REV1: variants seen among roughly 807,000 people sequenced by gnomAD.
The protein encoded by REV1 is REV1 DNA directed polymerase, also known as translesion synthesis protein REV1.
A neutral mutation model predicts 137.4 loss-of-function variants in REV1; 42 were observed. The observed-to-expected ratio is 0.31, with a 90% CI of 0.24 to 0.40. REV1 has a LOEUF of 0.40. Among genes scored for constraint, REV1 ranks in the 10% least tolerant of loss-of-function variants. The pLI is 1.00. For missense variants in REV1, 1,282 were observed against 1,490.1 expected (o/e 0.86, Z 2.30); for synonymous variants, 524 against 519.2 (o/e 1.01, Z -0.12).
chr2:99,445,017 T>C (rs1221123599), intron 4 of REV1, among the ~76,000 whole-genome samples: 1 of 152,142 alleles, frequency 6.6e-6, no homozygotes, highest in African/African-American at 2.4e-5. Context: ...GATATATACA[T>C]GAAAGAGTTT....
chr2:99,445,347 T>C (rs1385684850), intron 4 of REV1, among the ~76,000 whole-genome samples: 1 of 152,190 alleles, frequency 6.6e-6, no homozygotes, highest in Non-Finnish European at 1.5e-5. Flanking sequence ...GTAGATCCCA[T>C]TGAGCTGGCA....
At position 99,442,307 on chromosome 2, in the gene REV1, A is replaced by G. The variant is rs776780659; in HGVS notation, c.503+10T>C. ...CAGCTTTGCAGTAATCCCCAACTAGACAAACTTACACCCTGTTGTTGAGCT... is the reference window on the plus strand; with the variant it reads ...CAGCTTTGCAGTAATCCCCAACTAGGCAAACTTACACCCTGTTGTTGAGCT... On this transcript the variant is annotated intron_variant, in intron 5 of 22. Transcript: ENST00000258428. The G allele has an allele frequency of 6.3e-7, 1 of 1,596,054 alleles. No individual in the cohort carries two copies. The highest frequency in any genetic ancestry group is 8.5e-7 in the Non-Finnish European group (1 of 1,174,252).
chr2:99,479,635 T>A (rs1166805836), intron 1 of REV1, among the ~76,000 whole-genome samples: 3 of 151,176 alleles, frequency 2.0e-5, no homozygotes, highest in Non-Finnish European at 4.4e-5. Flanking sequence ...ACAAAAAAAA[T>A]AAAAATAATA....
intron 1 of REV1, among the ~76,000 whole-genome samples, chr2:99,486,223 G>C (rs372997350): frequency 8.5e-5 from 13 of 152,320 alleles, no homozygotes; most frequent in African/African-American, 3.1e-4. Flanking sequence ...ATAGTTCCTA[G>C]AAGGTTTAAA....
At chr2:99,402,018 C>G (rs1191535498) in intron 22 of REV1, among the ~76,000 whole-genome samples, 2 of 152,236 alleles carry the variant, frequency 1.3e-5, no homozygotes, top group Non-Finnish European at 2.9e-5. Context: ...GCGTGAGCCA[C>G]TGTGCCCAGC....
At chr2:99,416,938 TA>T (rs1307496692) in intron 12 of REV1, among the ~76,000 whole-genome samples, 2 of 122,870 alleles carry the variant, frequency 1.6e-5, no homozygotes, top group South Asian at 5.1e-4. Flanking sequence ...AAAAAAGAAA[TA>T]AAGTCTTTCC....
At chr2:99,464,204 C>T (rs1298633791) in intron 2 of REV1, among the ~76,000 whole-genome samples, 2 of 152,056 alleles carry the variant, frequency 1.3e-5, no homozygotes, top group Non-Finnish European at 2.9e-5. Context: ...CTATACTTTT[C>T]CTGAACTTTG....
chr2:99,411,103 C>T (rs577433685), intron 13 of REV1, among the ~76,000 whole-genome samples: 4 of 152,182 alleles, frequency 2.6e-5, no homozygotes, highest in South Asian at 2.1e-4. Context: ...GCCTGGCCAA[C>T]GTGGTGAAAC....
At chr2:99,475,732 C>T (rs1012225883) in intron 1 of REV1, among the ~76,000 whole-genome samples, 2 of 152,142 alleles carry the variant, frequency 1.3e-5, no homozygotes, top group African/African-American at 4.8e-5. Context: ...CGCCTGTACT[C>T]CCAGCACTTT....
chr2:99,428,991 C>CAAAAAA (rs762850171), intron 9 of REV1, among the ~76,000 whole-genome samples: 1 of 63,844 alleles, frequency 1.6e-5, no homozygotes, highest in Non-Finnish European at 3.1e-5. Context: ...GACTCCGTCT[C>CAAAAAA]AAAAAAAAAA....
At position 99,402,948 on chromosome 2, in the gene REV1, G is replaced by A. The variant is rs1467402408; in HGVS notation, c.3325C>T (p.Pro1109Ser). 4.3e-6 allele frequency: 7 copies of A among 1,614,080 alleles called. No homozygotes were observed. Among genetic ancestry groups the A allele is most frequent in the Non-Finnish European group, 2.5e-6 (3 of 1,180,040 alleles). The change falls in exon 20 of 23, where the codon CCC (proline) becomes TCC (serine). Residue 1109 changes from proline to serine, a missense_variant. Pro to Ser is a moderately conservative substitution (Grantham distance 74, BLOSUM62 -1). This residue lies in a region of REV1 where 170 missense variants were observed against 156.8 expected (regional missense o/e 1.08). Coordinates refer to ENST00000258428, the MANE Select transcript of REV1 (RefSeq NM_016316.4). ...AGAAACCCATCAATTAACTTCTGGG[G>A]ACTGCCACAGGCCCCTGGCAGAGTT... is the stretch of plus-strand genomic sequence containing the variant. ...AKTLPGACGSPQKLIDGFLKH... is the reference protein window; with the variant it reads ...AKTLPGACGSSQKLIDGFLKH...
chr2:99,484,520 A>G (rs1412782442), intron 1 of REV1, among the ~76,000 whole-genome samples: 1 of 152,238 alleles, frequency 6.6e-6, no homozygotes, highest in Non-Finnish European at 1.5e-5. Context: ...TATTATATGC[A>G]AAACCTTTTC....
chr2:99,435,808 C>T (rs1428755855), intron 7 of REV1, 26 bp downstream of exon 7: 1 of 1,191,790 alleles, frequency 8.4e-7, no homozygotes, highest in East Asian at 2.4e-5. Flanking sequence ...TATCAGTTTT[C>T]TTAAAACATA....
At chr2:99,414,346 T>A (rs1677569255) in intron 12 of REV1, among the ~76,000 whole-genome samples, 1 of 152,142 alleles carries the variant, frequency 6.6e-6, no homozygotes, top group Non-Finnish European at 1.5e-5. Context: ...CTTTATTCCT[T>A]AATGGAAGTG....
chr2:99,434,486 C>G (rs1215351156), intron 7 of REV1, 38 bp from the exon 8 acceptor site: 3 of 1,430,226 alleles, frequency 2.1e-6, no homozygotes, highest in Middle Eastern at 1.8e-4. Context: ...GTATGTGGTA[C>G]AGGAATGTTA....
chr2:99,418,435 T>C (rs1305262380), intron 12 of REV1, among the ~76,000 whole-genome samples: 1 of 152,220 alleles, frequency 6.6e-6, no homozygotes, highest in Admixed American at 6.5e-5. Context: ...AAACTGTCGC[T>C]AGTCCTGCAG....
At chr2:99,419,527 G>C (rs553384778) in intron 11 of REV1, among the ~76,000 whole-genome samples, 10 of 152,144 alleles carry the variant, frequency 6.6e-5, no homozygotes, top group Non-Finnish European at 1.2e-4. Context: ...CTGATCTTCA[G>C]AGTGGGTGTC....
chr2:99,475,577 A>G (rs1181020482), intron 1 of REV1, among the ~76,000 whole-genome samples: 2 of 152,056 alleles, frequency 1.3e-5, no homozygotes, highest in African/African-American at 2.4e-5. Flanking sequence ...GTCTTTTGCA[A>G]TTTTTTAAAT....
chr2:99,473,510 G>A (rs1430453432), intron 1 of REV1, among the ~76,000 whole-genome samples: 1 of 152,170 alleles, frequency 6.6e-6, no homozygotes, highest in African/African-American at 2.4e-5. Flanking sequence ...CAAGCCAACA[G>A]TTCACATTCT....
Sources: allele counts gnomAD v4.1 joint callset (sites outside exome capture counted in the v4.1 genomes callset), GRCh38; gene constraint gnomAD v4.1.1; regional missense constraint gnomAD v4.1.1; transcripts MANE v1.5; gene names NCBI Gene and HGNC (gene_info 2026-07-23, HGNC 2026-07-21).